The following THSD7B variants were observed in gnomAD, a reference collection of about 807,000 sequenced individuals.
THSD7B encodes the protein thrombospondin type-1 domain-containing protein 7B.
In THSD7B, 138 loss-of-function variants were observed where a neutral mutation model predicts 213.6. That is an observed-to-expected ratio of 0.65 (90% CI 0.56 to 0.74). THSD7B has a LOEUF of 0.74. THSD7B is among the 30% of genes least tolerant of loss of function. The pLI is 0.00. For missense variants in THSD7B, 1,931 were observed against 1,991.5 expected (o/e 0.97, Z 0.58); for synonymous variants, 742 against 687.0 (o/e 1.08, Z -1.25).
chr2:137,219,955 T>A (rs569962840), intron 7 of THSD7B, among the ~76,000 whole-genome samples: 31 of 152,288 alleles, frequency 2.0e-4, no homozygotes, highest in African/African-American at 6.7e-4. Flanking sequence ...ATGGAAAAAT[T>A]GTGCTATAGA....
At chr2:137,487,038 G>A (rs1688463518) in intron 15 of THSD7B, among the ~76,000 whole-genome samples, 1 of 150,798 alleles carries the variant, frequency 6.6e-6, no homozygotes, top group Non-Finnish European at 1.5e-5. Context: ...ACAAGAGAAA[G>A]CAGAAAAGAT....
At chr2:136,833,893 A>C (rs1355603487) in intron 1 of THSD7B, among the ~76,000 whole-genome samples, 1 of 152,214 alleles carries the variant, frequency 6.6e-6, no homozygotes, top group Non-Finnish European at 1.5e-5. Context: ...AAAAATATTC[A>C]CTAAAAGTTT....
chr2:137,638,957 C>T (rs1027695294), intron 20 of THSD7B, among the ~76,000 whole-genome samples: 1 of 151,134 alleles, frequency 6.6e-6, no homozygotes, highest in African/African-American at 2.4e-5. Context: ...AGAAACAGAG[C>T]ATAAAAGTTC....
At chr2:137,269,550 G>A (rs1682686168) in intron 10 of THSD7B, among the ~76,000 whole-genome samples, 1 of 151,944 alleles carries the variant, frequency 6.6e-6, no homozygotes, top group African/African-American at 2.4e-5. Context: ...GACTCCTAAG[G>A]TAATATTTGG....
chr2:137,662,062 C>A lies in THSD7B; in HGVS notation c.4459-1321C>A, dbSNP rs376005369. Among the ~76,000 whole-genome samples, 265 of 132,672 alleles carry A rather than the reference C, an allele frequency of 2.0e-3. 1 individual carries two copies. Among genetic ancestry groups the A allele is most frequent in the African/African-American group, 7.0e-3 (255 of 36,326 alleles). The allele number at this position is 132,672 out of a possible 152,430, so 87.0% of individuals were successfully genotyped here. ...ACCAGCTTCAGGTGTTTTCTTTTTT[C>A]TTTTTTTTTTTTTTTTTGAGATGGA... On this transcript the variant is annotated intron_variant, in intron 25 of 27. Coordinates refer to ENST00000409968, the MANE Select transcript of THSD7B (RefSeq NM_001316349.2).
At chr2:137,412,000 T>C in intron 14 of THSD7B, 128 bp downstream of exon 14, 1 of 1,088,014 alleles carries the variant, frequency 9.2e-7, no homozygotes, top group East Asian at 2.6e-5. Context: ...AATAACACAT[T>C]GTCTCTCATA....
intron 1 of THSD7B, among the ~76,000 whole-genome samples, chr2:136,813,642 ATT>A (rs34321753): frequency 4.6e-5 from 7 of 150,744 alleles, no homozygotes; most frequent in Middle Eastern, 3.2e-3. Context: ...CTATTCTATC[ATT>A]TTTTTTTTCC....
rs547454616 is a variant in THSD7B at position 137,203,605 on chromosome 2, A to G, written c.1724-27439A>G. Among the ~76,000 whole-genome samples, 4 of 152,190 alleles carry G rather than the reference A, an allele frequency of 2.6e-5. No individual in the cohort carries two copies. In the East Asian group the frequency reaches 7.7e-4, roughly 29 times the overall value. ...ACCTTTTTTTATTTTATTAATAGGT[A>G]TAAGTGTAATTTATTAGTAGCTATA... is the stretch of plus-strand genomic sequence containing the variant. On this transcript the variant is annotated intron_variant, in intron 7 of 27. Transcript: ENST00000409968.
intron 21 of THSD7B, among the ~76,000 whole-genome samples, chr2:137,649,600 A>G (rs1422334120): frequency 6.6e-6 from 1 of 152,188 alleles, no homozygotes; most frequent in South Asian, 2.1e-4. Flanking sequence ...ATGCATGAAT[A>G]TAAATCTGGA....
chr2:137,307,364 A>G lies in THSD7B; in HGVS notation c.2500+31338A>G, dbSNP rs146845564. ...CAGCCCGCCCAGAATGAGAGGGGAC[A>G]TTCTGTGGTGACACATGGGAAAAGA... On this transcript the variant is annotated intron_variant, in intron 12 of 27. Transcript: ENST00000409968. Among the ~76,000 whole-genome samples the G allele has an allele frequency of 1.3e-3, 198 of 152,244 alleles. 3 individuals carry two copies. The highest frequency in any genetic ancestry group is 0.01 in the Middle Eastern group (3 of 294).
At chr2:136,923,248 T>C (rs140422575) in intron 2 of THSD7B, among the ~76,000 whole-genome samples, 200 of 152,318 alleles carry the variant, frequency 1.3e-3, no homozygotes, top group African/African-American at 4.6e-3. Flanking sequence ...TCCACAAGTT[T>C]CATCTATGTT....
intron 20 of THSD7B, among the ~76,000 whole-genome samples, chr2:137,639,867 T>A (rs1682905512): frequency 6.6e-6 from 1 of 152,164 alleles, no homozygotes; most frequent in Non-Finnish European, 1.5e-5. Context: ...CCTGTGCCGG[T>A]ATGTATTGTA....
At chr2:137,318,528 G>GC (rs910889923) in intron 12 of THSD7B, among the ~76,000 whole-genome samples, 9 of 151,686 alleles carry the variant, frequency 5.9e-5, no homozygotes. Flanking sequence ...TCACTCCCCC[G>GC]CCCCCATCCA....
intron 7 of THSD7B, among the ~76,000 whole-genome samples, chr2:137,184,510 G>C (rs1680515367): frequency 6.6e-6 from 1 of 152,140 alleles, no homozygotes; most frequent in African/African-American, 2.4e-5. Context: ...AGGATTCTAT[G>C]TGGAAACACA....
intron 15 of THSD7B, among the ~76,000 whole-genome samples, chr2:137,503,877 T>A (rs952635073): frequency 5.3e-5 from 8 of 151,644 alleles, no homozygotes; most frequent in Non-Finnish European, 8.8e-5. Flanking sequence ...ATACACAAAT[T>A]AGCTGGGCGT....
intron 15 of THSD7B, among the ~76,000 whole-genome samples, chr2:137,477,050 A>G (rs1248524971): frequency 6.6e-6 from 1 of 152,168 alleles, no homozygotes; most frequent in African/African-American, 2.4e-5. Flanking sequence ...AGTTCAGTTT[A>G]TATGCAATGT....
At chr2:137,526,876 G>C (rs1335718953) in intron 15 of THSD7B, among the ~76,000 whole-genome samples, 1 of 152,044 alleles carries the variant, frequency 6.6e-6, no homozygotes, top group African/African-American at 2.4e-5. Flanking sequence ...AGAATGAGCA[G>C]GTTGAAAATT....
At chr2:137,566,092 TTC>T (rs1204907413) in intron 16 of THSD7B, among the ~76,000 whole-genome samples, 1 of 152,346 alleles carries the variant, frequency 6.6e-6, no homozygotes, top group African/African-American at 2.4e-5. Flanking sequence ...AGCTCATCTG[TTC>T]TCTTTCTTAA....
intron 21 of THSD7B, among the ~76,000 whole-genome samples, chr2:137,648,120 T>G (rs529655941): frequency 1.5e-4 from 23 of 152,342 alleles, no homozygotes; most frequent in African/African-American, 4.8e-4. Context: ...AATAGATGTA[T>G]ATATTTTTTG....
Sources: gnomAD v4.1 joint callset for allele counts (sites outside exome capture counted in the v4.1 genomes callset) on GRCh38, gnomAD v4.1.1 for gene constraint, MANE v1.5 for transcripts, NCBI Gene and HGNC (gene_info 2026-07-23, HGNC 2026-07-21) for gene names.